Variants in GPC6 observed in about 807,000 individuals in gnomAD.
GPC6 encodes the protein glypican 6, also known as glypican-6.
GPC6 carries 14 observed loss-of-function variants against 55.2 expected under a neutral mutation model. That is an observed-to-expected ratio of 0.25 (90% CI 0.17 to 0.40). The LOEUF (loss-of-function observed/expected upper bound fraction) is 0.40, where lower values mean the gene tolerates loss of function less well. Among genes scored for constraint, GPC6 ranks in the 10% least tolerant of loss-of-function variants. The pLI, the probability that GPC6 is intolerant of heterozygous loss-of-function variation, is 1.00. For synonymous variants in GPC6, 278 were observed against 259.6 expected (o/e 1.07, Z -0.68); for missense variants, 641 against 708.5 (o/e 0.90, Z 1.08).
intron 4 of GPC6, among the ~76,000 whole-genome samples, chr13:94,242,713 G>A (rs541570896): frequency 6.6e-6 from 1 of 152,208 alleles, no homozygotes; most frequent in African/African-American, 2.4e-5. Flanking sequence ...AAATCTGGAA[G>A]GAGTTAATTA....
rs372948528 is a variant in GPC6, at chr13:93,949,828, G to A, written c.712-77901G>A. On this transcript the variant is annotated intron_variant, in intron 3 of 8. Transcript: ENST00000377047. ...CTGCAACCTCCACCTCTGGGCTCCC[G>A]TGATCCTCCCACCTCAGCCTCCCAA... Among the ~76,000 whole-genome samples, 7 of 152,080 alleles carry A rather than the reference G, an allele frequency of 4.6e-5. No individual in the cohort carries two copies. The South Asian group carries it at 8.3e-4, about 18-fold the overall frequency.
chr13:93,316,399 G>A (rs1879250084), intron 1 of GPC6, among the ~76,000 whole-genome samples: 1 of 151,990 alleles, frequency 6.6e-6, no homozygotes, highest in Admixed American at 6.6e-5. Context: ...AAATGTCTGG[G>A]ACACAAAGAT....
intron 3 of GPC6, among the ~76,000 whole-genome samples, chr13:93,849,671 C>A (rs911886343): frequency 6.6e-6 from 1 of 152,036 alleles, no homozygotes; most frequent in African/African-American, 2.4e-5. Context: ...TCAGATTTTC[C>A]CTTCTTGCCT....
intron 2 of GPC6, among the ~76,000 whole-genome samples, chr13:93,749,800 G>A (rs1266175664): frequency 6.6e-6 from 1 of 151,874 alleles, no homozygotes; most frequent in Non-Finnish European, 1.5e-5. Context: ...TACTTGTGAC[G>A]AAAAAAATAC....
upstream of GPC6, among the ~76,000 whole-genome samples, chr13:93,222,091 G>A (rs549402298): frequency 5.6e-4 from 85 of 152,184 alleles, no homozygotes; most frequent in Middle Eastern, 0.027. Flanking sequence ...ATTTGATTCA[G>A]AAACATATTA....
chr13:94,191,536 G>A (rs976545053), intron 4 of GPC6, among the ~76,000 whole-genome samples: 1 of 151,834 alleles, frequency 6.6e-6, no homozygotes, highest in Non-Finnish European at 1.5e-5. Flanking sequence ...CTTGGAAATG[G>A]CCTCTTTTTC....
At chr13:93,648,127 A>G (rs1880255772) in intron 2 of GPC6, among the ~76,000 whole-genome samples, 2 of 152,138 alleles carry the variant, frequency 1.3e-5, no homozygotes, top group East Asian at 3.9e-4. Context: ...CCACCTGGGT[A>G]CTGATGTCAT....
chr13:93,604,607 C>G (rs1412639776), intron 2 of GPC6, among the ~76,000 whole-genome samples: 2 of 151,910 alleles, frequency 1.3e-5, no homozygotes, highest in Non-Finnish European at 2.9e-5. Flanking sequence ...CTGCTATCGT[C>G]ACTAATATCA....
At chr13:93,716,350 G>A (rs1208554535) in intron 2 of GPC6, among the ~76,000 whole-genome samples, 7 of 151,662 alleles carry the variant, frequency 4.6e-5, no homozygotes, top group Admixed American at 1.3e-4. Flanking sequence ...GGAGAGGACC[G>A]CTTCATGCCA....
chr13:93,488,118 C>A (rs112649500), intron 1 of GPC6, among the ~76,000 whole-genome samples: 4 of 152,132 alleles, frequency 2.6e-5, no homozygotes, highest in South Asian at 2.1e-4. Flanking sequence ...ATCCCTCCCC[C>A]CTCCTTTCAC....
chr13:93,961,907 C>T (rs1879795008), intron 3 of GPC6, among the ~76,000 whole-genome samples: 1 of 152,110 alleles, frequency 6.6e-6, no homozygotes, highest in Non-Finnish European at 1.5e-5. Flanking sequence ...TTTGAGCCGT[C>T]CTAGCCTCAC....
At chr13:93,610,972 A>G (rs1430000386) in intron 2 of GPC6, among the ~76,000 whole-genome samples, 3 of 152,132 alleles carry the variant, frequency 2.0e-5, no homozygotes, top group African/African-American at 7.2e-5. Context: ...CGATTCCCAT[A>G]CAATTAACAC....
chr13:94,177,034 T>TAAGG (rs923962835), intron 4 of GPC6, among the ~76,000 whole-genome samples: 1 of 152,206 alleles, frequency 6.6e-6, no homozygotes, highest in African/African-American at 2.4e-5. Context: ...CTTGCAAATA[T>TAAGG]AAGGTTATAT....
intron 1 of GPC6, among the ~76,000 whole-genome samples, chr13:93,242,308 C>G (rs1876461258): frequency 6.6e-6 from 1 of 152,038 alleles, no homozygotes; most frequent in South Asian, 2.1e-4. Flanking sequence ...ACAAGCCTGG[C>G]AAAAAACAAC....
intron 4 of GPC6, among the ~76,000 whole-genome samples, chr13:94,035,518 A>G (rs1238393937): frequency 6.6e-6 from 1 of 152,112 alleles, no homozygotes; most frequent in Non-Finnish European, 1.5e-5. Flanking sequence ...CACAAATAGC[A>G]AAGTTGTAAC....
intron 2 of GPC6, among the ~76,000 whole-genome samples, chr13:93,625,538 G>T (rs1040174431): frequency 8.5e-5 from 13 of 152,116 alleles, no homozygotes; most frequent in African/African-American, 3.1e-4. Flanking sequence ...TGTCAACCCA[G>T]GTAGGCTTGG....
At chr13:93,283,236 A>G (rs1447890895) in intron 1 of GPC6, among the ~76,000 whole-genome samples, 2 of 152,058 alleles carry the variant, frequency 1.3e-5, no homozygotes, top group Non-Finnish European at 2.9e-5. Flanking sequence ...ATTTTTTCCT[A>G]TCTTATTTAT....
chr13:93,858,925 T>C (rs563228787), intron 3 of GPC6, among the ~76,000 whole-genome samples: 4 of 151,628 alleles, frequency 2.6e-5, no homozygotes, highest in African/African-American at 9.7e-5. Flanking sequence ...AGAGGATTAT[T>C]ATCTAATACT....
intron 5 of GPC6, 105 bp from the exon 6 acceptor site, chr13:94,305,875 A>G (rs1010848955): frequency 2.6e-4 from 272 of 1,054,848 alleles, no homozygotes; most frequent in Admixed American, 7.0e-4. Context: ...TGGAGGTAAA[A>G]GTTTCATAAG....
Sources: gnomAD v4.1 joint callset for allele counts (sites outside exome capture counted in the v4.1 genomes callset) on GRCh38, gnomAD v4.1.1 for gene constraint, MANE v1.5 for transcripts, NCBI Gene and HGNC (gene_info 2026-07-23, HGNC 2026-07-21) for gene names.